Variants in PRSS57 observed in about 807,000 individuals in gnomAD.
PRSS57 encodes serine protease 57.
A neutral mutation model predicts 20.6 loss-of-function variants in PRSS57; 19 were observed. The ratio of observed to expected loss-of-function variants is 0.92; its 90% CI spans 0.64 to 1.35. The LOEUF (loss-of-function observed/expected upper bound fraction) is 1.35, where lower values mean the gene tolerates loss of function less well. PRSS57 is among the 40% of genes most tolerant of loss of function. PRSS57 has a pLI of 0.00. For missense variants in PRSS57, 440 were observed against 403.7 expected (o/e 1.09, Z -0.77); for synonymous variants, 203 against 176.6 (o/e 1.15, Z -1.19).
chr19:686,487 G>A (rs543997179), intron 4 of PRSS57, among the ~76,000 whole-genome samples: 46 of 152,158 alleles, frequency 3.0e-4, no homozygotes, highest in Middle Eastern at 3.4e-3. Context: ...CCAAGGTCAC[G>A]CATCGGGAAA....
At position 694,900 on chromosome 19, in the gene PRSS57, G is replaced by A. The variant is rs770707948; in HGVS notation, c.147C>T (p.Ser49=). 19 of 1,603,434 alleles carry A rather than the reference G, an allele frequency of 1.2e-5. No individual in the cohort carries two copies. Among genetic ancestry groups the A allele is most frequent in the Admixed American group, 3.4e-5 (2 of 58,616 alleles). Residue 49 remains serine (S), a synonymous_variant, in exon 2 of 5, where the codon TCC becomes TCT. Transcript: ENST00000329267. ...VTPHSRPYMA[S]VRFGGQHHCG... is the part of the protein sequence containing the mutation. ...AGTGATGTTGGCCCCCGAAGCGCAC[G>A]GATGCCATGTAGGGCCTGGAGTGGG...
intron 4 of PRSS57, among the ~76,000 whole-genome samples, chr19:686,258 C>G (rs1207536385): frequency 6.6e-6 from 1 of 152,054 alleles, no homozygotes; most frequent in Non-Finnish European, 1.5e-5. Flanking sequence ...TAACAGGTCT[C>G]TCTGCCTTGC....
chr19:688,962 A>T (rs2031552537), intron 3 of PRSS57, among the ~76,000 whole-genome samples: 1 of 152,068 alleles, frequency 6.6e-6, no homozygotes, highest in Non-Finnish European at 1.5e-5. Flanking sequence ...CATTCATTCC[A>T]TTTCAGCATA....
rs372556340 is a variant in PRSS57 at position 695,422 on chromosome 19, G to A, written c.9C>T (p.Leu3=). MG[L]GLRGWGRPLL... Reference sequence around the variant, plus strand: ...GAGGACGTCCCCAGCCCCTCAACCCGAGCCCCATGGCAGACGCAGGCTGGC... The same window carrying A: ...GAGGACGTCCCCAGCCCCTCAACCCAAGCCCCATGGCAGACGCAGGCTGGC... The change falls in exon 1 of 5, where the codon CTC becomes CTT. Residue 3 remains leucine (L), a synonymous_variant. Coordinates refer to ENST00000329267, the MANE Select transcript of PRSS57 (RefSeq NM_001308209.2). 5.1e-5 allele frequency: 64 copies of A among 1,265,722 alleles called. 1 individual carries two copies. The highest frequency in any genetic ancestry group is 2.3e-4 in the Admixed American group (6 of 25,532). The allele number at this position is 1,265,722 out of a possible 1,614,324, so 78.4% of individuals were successfully genotyped here.
rs540393570 is a variant in PRSS57, at chr19:685,608, G to A, written c.*108C>T. ...GCATGTGGAATGGGTGTGCCCCACCGCTGCCCGTCCCACCCCAACCCTGAA... is the reference window on the plus strand; with the variant it reads ...GCATGTGGAATGGGTGTGCCCCACCACTGCCCGTCCCACCCCAACCCTGAA... On this transcript the variant is annotated 3_prime_UTR_variant, in exon 5 of 5. Coordinates refer to ENST00000329267, the MANE Select transcript of PRSS57 (RefSeq NM_001308209.2). The A allele has an allele frequency of 1.5e-5, 16 of 1,098,742 alleles. No homozygotes were observed. The Admixed American group carries it at 2.5e-4, about 18-fold the overall frequency. The allele number at this position is 1,098,742 out of a possible 1,614,324, so 68.1% of individuals were successfully genotyped here.
intron 1 of PRSS57, among the ~76,000 whole-genome samples, 183 bp from the exon 2 acceptor site, chr19:695,150 G>A (rs780981749): frequency 2.0e-5 from 3 of 152,262 alleles, no homozygotes; most frequent in East Asian, 3.9e-4. Context: ...AGGGGCTCCC[G>A]AGCCCGGGAG....
In PRSS57 at chr19:694,903, T is replaced by G. The variant is rs549543961; in HGVS notation, c.144A>C (p.Ala48=). Residue 48 remains alanine (A), a synonymous_variant, in exon 2 of 5, where the codon GCA becomes GCC. Transcript: ENST00000329267. ...GATGTTGGCCCCCGAAGCGCACGGA[T>G]GCCATGTAGGGCCTGGAGTGGGGGG... ...EVTPHSRPYM[A]SVRFGGQHHC... is the part of the protein sequence containing the mutation. 5.0e-6 allele frequency: 8 copies of G among 1,602,868 alleles called. No individual in the cohort carries two copies. In the African/African-American group the frequency reaches 9.4e-5, roughly 19 times the overall value.
intron 3 of PRSS57, among the ~76,000 whole-genome samples, chr19:688,876 G>A (rs1331665554): frequency 6.6e-6 from 1 of 152,160 alleles, no homozygotes; most frequent in Non-Finnish European, 1.5e-5. Context: ...TGGGGTTACA[G>A]GTGTGAGCCA....
chr19:693,691 C>T (rs1418017762), intron 2 of PRSS57, among the ~76,000 whole-genome samples: 1 of 152,056 alleles, frequency 6.6e-6, no homozygotes, highest in Non-Finnish European at 1.5e-5. Context: ...ACCTCAGCCT[C>T]CCGAGTAGCT....
At position 687,057 on chromosome 19, in the gene PRSS57, C is replaced by T; in HGVS notation, c.510G>A (p.Leu170=). The part of the protein sequence containing the change: ...GWGFVSDFEE[L]PPGLMEAKVR... ...CCTTGGCCTCCATCAGTCCAGGCGG[C>T]AGCTCCTCAAAGTCAGACACGAAGC... Residue 170 remains leucine (L), a synonymous_variant, in exon 4 of 5, where the codon CTG becomes CTA. Transcript: ENST00000329267. The T allele has an allele frequency of 1.2e-6, 2 of 1,614,060 alleles. No homozygotes were observed. The highest frequency in any genetic ancestry group is 1.6e-4 in the Middle Eastern group (1 of 6,062).
chr19:691,064 C>G (rs955185906), intron 3 of PRSS57: 1 of 278,492 alleles, frequency 3.6e-6, no homozygotes. Context: ...TGCCTGACCC[C>G]TGACCTCTGT....
At chr19:692,427 C>CTTTTTTCTTT (rs575817341) in intron 2 of PRSS57, among the ~76,000 whole-genome samples, 2 of 98,826 alleles carry the variant, frequency 2.0e-5, no homozygotes, top group African/African-American at 3.2e-5. Context: ...TTCCTTTTTT[C>CTTTTTTCTTT]TTTTTTTTTT....
Position 686,788 on chromosome 19 carries a change from C to T in PRSS57, c.642+137G>A. On this transcript the variant is annotated intron_variant, in intron 4 of 4. Transcript: ENST00000329267. ...TGCATGACCCTTGCCAACTCCCTGC[C>T]TTCCCTGGGCCTCAGCTTCTCCGTC... 7.0e-6 allele frequency: 8 copies of T among 1,144,638 alleles called. No individual in the cohort carries two copies. The South Asian group carries it at 1.1e-4, about 15-fold the overall frequency. 70.9% of individuals were successfully genotyped at this position (1,144,638 alleles called of 1,614,324 possible).
At chr19:688,989 T>C (rs1035605162) in intron 3 of PRSS57, among the ~76,000 whole-genome samples, 3 of 152,138 alleles carry the variant, frequency 2.0e-5, no homozygotes, top group African/African-American at 7.2e-5. Flanking sequence ...GAGCGCCTGC[T>C]GTGTGCCATA....
intron 3 of PRSS57, chr19:690,418 G>C (rs1352188174): frequency 6.1e-6 from 1 of 165,226 alleles, no homozygotes. Flanking sequence ...GGCTTCCCCC[G>C]AGGCTTCGGC....
intron 3 of PRSS57, chr19:690,519 A>T: frequency 4.2e-6 from 1 of 238,328 alleles, no homozygotes; most frequent in Non-Finnish European, 8.7e-6. Flanking sequence ...CGCCTGGTCA[A>T]GGACATAAAG....
At position 695,016 on chromosome 19, in the gene PRSS57, ACGGGGCTGGGGT is replaced by A. The variant is rs780555132; in HGVS notation, c.80-61_80-50del. 6 of 1,474,056 alleles carry A rather than the reference ACGGGGCTGGGGT, an allele frequency of 4.1e-6. No individual in the cohort carries two copies. The African/African-American group carries it at 8.5e-5, about 21-fold the overall frequency. The allele number at this position is 1,474,056 out of a possible 1,614,324, so 91.3% of individuals were successfully genotyped here. On this transcript the variant is annotated intron_variant, in intron 1 of 4. Coordinates refer to ENST00000329267, the MANE Select transcript of PRSS57 (RefSeq NM_001308209.2). ...AGGGACGAGGCGGGAGGAACGGATG[ACGGGGCTGGGGT>A]CAGGGCAGGGGGAGAAGTAGCGGCC...
At position 687,183 on chromosome 19, in the gene PRSS57, G is replaced by C; in HGVS notation, c.384C>G (p.Asn128Lys). 1 of 1,537,690 alleles carries C rather than the reference G, an allele frequency of 6.5e-7. No individual in the cohort carries two copies. The highest frequency in any genetic ancestry group is 8.8e-7 in the Non-Finnish European group (1 of 1,140,750). The change falls in exon 4 of 5, where the codon AAC becomes AAG. Residue 128 changes from asparagine (N) to lysine (K), a missense_variant. Transcript: ENST00000329267. ...HANDICLLRL[N>K]GSAVLGPAVG... ...CTGCAGGGCCCAGGACAGCAGAGCC[G>C]TTCAGCTGCAGGGAGAGCATGAGTT... is the stretch of plus-strand genomic sequence containing the variant.
chr19:694,675 G>A, intron 2 of PRSS57, 139 bp downstream of exon 2: 1 of 945,202 alleles, frequency 1.1e-6, no homozygotes, highest in Non-Finnish European at 1.5e-6. Context: ...TTTTCCCTTT[G>A]TTGCCCTTTA....
Sources: gnomAD v4.1 joint callset for allele counts (sites outside exome capture counted in the v4.1 genomes callset) on GRCh38, gnomAD v4.1.1 for gene constraint, MANE v1.5 for transcripts, NCBI Gene and HGNC (gene_info 2026-07-23, HGNC 2026-07-21) for gene names.